Variants in EPC1 observed in about 807,000 individuals in gnomAD.
EPC1 encodes the protein enhancer of polycomb 1, also known as enhancer of polycomb homolog 1.
In EPC1, 12 loss-of-function variants were observed where a neutral mutation model predicts 98.4. The observed-to-expected ratio is 0.12, with a 90% CI of 0.08 to 0.20. EPC1 has a LOEUF of 0.20. Among genes scored for constraint, EPC1 ranks in the 10% least tolerant of loss-of-function variants. The pLI, the probability that EPC1 is intolerant of heterozygous loss-of-function variation, is 1.00. For missense variants in EPC1, 729 were observed against 990.5 expected, an observed-to-expected ratio of 0.74 and a Z score of 3.54; for synonymous variants, 357 against 363.9, an observed-to-expected ratio of 0.98 and a Z score of 0.21.
intron 1 of EPC1, among the ~76,000 whole-genome samples, chr10:32,310,633 A>C (rs1351758045): frequency 6.6e-6 from 1 of 152,218 alleles, no homozygotes; most frequent in Non-Finnish European, 1.5e-5. Context: ...AATATTTCAC[A>C]CAGGCCAGAC....
intron 1 of EPC1, among the ~76,000 whole-genome samples, chr10:32,344,234 A>G (rs1450380573): frequency 2.0e-5 from 3 of 152,310 alleles, no homozygotes; most frequent in Admixed American, 2.0e-4. Context: ...TATGATTTAC[A>G]CACCCTACCA....
intron 1 of EPC1, among the ~76,000 whole-genome samples, chr10:32,324,012 T>C (rs1837104143): frequency 6.6e-6 from 1 of 152,126 alleles, no homozygotes; most frequent in South Asian, 2.1e-4. Flanking sequence ...CTCGGCTCAC[T>C]GCAAGCTCCG....
At chr10:32,276,447 G>A (rs998884140) in intron 10 of EPC1, among the ~76,000 whole-genome samples, 1 of 152,234 alleles carries the variant, frequency 6.6e-6, no homozygotes, top group African/African-American at 2.4e-5. Context: ...AGGAGGCAGA[G>A]GTTGCAGTGA....
chr10:32,356,051 G>A (rs1002321002), intron 1 of EPC1, among the ~76,000 whole-genome samples: 31 of 152,144 alleles, frequency 2.0e-4, no homozygotes, highest in Admixed American at 1.9e-3. Flanking sequence ...TGTTAATGAA[G>A]TAGAAACATA....
chr10:32,299,895 TATG>T (rs1424151568), intron 2 of EPC1, among the ~76,000 whole-genome samples: 2 of 152,100 alleles, frequency 1.3e-5, no homozygotes, highest in African/African-American at 2.4e-5. Context: ...AACCCTGATT[TATG>T]ATAATTGCAA....
chr10:32,344,953 C>G (rs1410207318), intron 1 of EPC1, among the ~76,000 whole-genome samples: 6 of 152,184 alleles, frequency 3.9e-5, no homozygotes, highest in Non-Finnish European at 8.8e-5. Context: ...CTAAAGTGTA[C>G]TGTTGTGCTG....
At chr10:32,362,080 G>A (rs1318827558) in intron 1 of EPC1, among the ~76,000 whole-genome samples, 2 of 152,132 alleles carry the variant, frequency 1.3e-5, no homozygotes, top group African/African-American at 2.4e-5. Flanking sequence ...CCATAAAAAT[G>A]GGCAATCAGC....
intron 1 of EPC1, among the ~76,000 whole-genome samples, chr10:32,342,791 C>G (rs1406753112): frequency 1.3e-5 from 2 of 152,180 alleles, no homozygotes; most frequent in Non-Finnish European, 2.9e-5. Context: ...TACTGTGGAA[C>G]AGTAGCTCCA....
At chr10:32,312,656 C>T (rs762423858) in intron 1 of EPC1, among the ~76,000 whole-genome samples, 2 of 152,168 alleles carry the variant, frequency 1.3e-5, no homozygotes, top group African/African-American at 4.8e-5. Context: ...CTGTTATCAC[C>T]ACCCTAAAAT....
chr10:32,291,095 T>A, intron 6 of EPC1, 68 bp downstream of exon 6: 1 of 1,470,570 alleles, frequency 6.8e-7, no homozygotes. Context: ...TTTTTCTTTT[T>A]AACTTTCATT....
intron 1 of EPC1, among the ~76,000 whole-genome samples, chr10:32,371,143 T>C (rs1177310763): frequency 6.6e-6 from 1 of 152,206 alleles, no homozygotes; most frequent in East Asian, 1.9e-4. Flanking sequence ...ATTTCTGAAG[T>C]CTCATAACTT....
intron 1 of EPC1, among the ~76,000 whole-genome samples, chr10:32,345,846 T>C (rs908984914): frequency 1.3e-5 from 2 of 152,192 alleles, no homozygotes; most frequent in South Asian, 4.1e-4. Context: ...TTTAGATCTA[T>C]AAAAGTTACT....
intron 1 of EPC1, among the ~76,000 whole-genome samples, chr10:32,337,601 G>A (rs1838054419): frequency 6.6e-6 from 1 of 152,158 alleles, no homozygotes; most frequent in African/African-American, 2.4e-5. Flanking sequence ...CAGTGAAGTG[G>A]GTCAATCTAG....
intron 2 of EPC1, 101 bp downstream of exon 2, chr10:32,305,671 T>C (rs1835836493): frequency 1.1e-6 from 1 of 927,970 alleles, no homozygotes; most frequent in African/African-American, 1.7e-5. Context: ...TGCTGGTCAA[T>C]GAAACAAATA....
intron 1 of EPC1, 43 bp downstream of exon 1, chr10:32,346,720 G>A (rs374769114): frequency 1.1e-5 from 17 of 1,580,350 alleles, no homozygotes; most frequent in East Asian, 2.3e-5. Context: ...GCAGCAGAGG[G>A]AGCGGGCCTG....
chr10:32,286,448 T>C, intron 9 of EPC1: 1 of 495,210 alleles, frequency 2.0e-6, no homozygotes, highest in East Asian at 3.1e-5. Context: ...CTTGATAATT[T>C]ATCTGAGGTT....
At chr10:32,292,911 C>A in intron 4 of EPC1, 77 bp downstream of exon 4, 3 of 960,858 alleles carry the variant, frequency 3.1e-6, no homozygotes, top group Non-Finnish European at 4.4e-6. Context: ...ATAAATTAAA[C>A]CACAGTATTG....
Position 32,347,038 on chromosome 10 carries a change from A to G in EPC1, c.-123T>C. 1 of 1,480,676 alleles carries G rather than the reference A, an allele frequency of 6.8e-7. No individual in the cohort carries two copies. Among genetic ancestry groups the G allele is most frequent in the Non-Finnish European group, 8.9e-7 (1 of 1,122,110 alleles). The allele number at this position is 1,480,676 out of a possible 1,614,324, so 91.7% of individuals were successfully genotyped here. A position where few individuals can be genotyped will look rare whatever the true frequency, so the allele number is the denominator to read the frequency against. ...CGGGGACTTGAGGGGCGGAGCGCAG[A>G]GCCCGCCGTCCGGGCACTAACACCA... On this transcript the variant is annotated 5_prime_UTR_variant, in exon 1 of 14. Transcript: ENST00000319778.
At chr10:32,271,436 A>G in intron 13 of EPC1, 118 bp downstream of exon 13, 14 of 1,163,588 alleles carry the variant, frequency 1.2e-5, no homozygotes, top group Non-Finnish European at 1.7e-5. Flanking sequence ...TCAACTATAC[A>G]TTTTCAATGT....
Sources: allele counts gnomAD v4.1 joint callset (sites outside exome capture counted in the v4.1 genomes callset), GRCh38; gene constraint gnomAD v4.1.1; transcripts MANE v1.5; gene names NCBI Gene and HGNC (gene_info 2026-07-23, HGNC 2026-07-21).